GLI2: variants seen among roughly 807,000 people sequenced by gnomAD.
GLI2 encodes the protein transcription activator GLI2.
In GLI2, 22 loss-of-function variants were observed where a neutral mutation model predicts 78.9. The ratio of observed to expected loss-of-function variants is 0.28; its 90% CI spans 0.20 to 0.40. The LOEUF is 0.40. Ranked by LOEUF, GLI2 falls within the 10% of genes least tolerant of loss-of-function variation. GLI2 has a pLI of 1.00. For missense variants in GLI2, 2,097 were observed against 2,213.2 expected (o/e 0.95, Z 1.05); for synonymous variants, 974 against 963.7 (o/e 1.01, Z -0.20).
chr2:120,886,159 AGTGTGTGTGTGTGTGTGTGTGTGTGT>A (rs532891541), intron 2 of GLI2, among the ~76,000 whole-genome samples: 9 of 116,832 alleles, frequency 7.7e-5, no homozygotes, highest in Admixed American at 1.7e-4. Flanking sequence ...ATTTTTCCAA[AGTGTGTGTGTGTGTGTGTGTGTGTGT>A]GTGTGTGTGT....
rs1270623510 is a variant in GLI2, at chr2:120,800,247, C to G, written c.148+2779C>G. Among the ~76,000 whole-genome samples the G allele has an allele frequency of 2.0e-5, 3 of 152,152 alleles. No homozygotes were observed. The East Asian group carries it at 5.8e-4, about 30-fold the overall frequency. On this transcript the variant is annotated intron_variant, in intron 2 of 13. Transcript: ENST00000361492. The surrounding 1 kb of genome is among the most constrained non-coding windows in gnomAD (Gnocchi z 4.1). ...GGAGCTGAGAATTTTTGTTGAGGGG[C>G]CCCTCTTCTCGAGTTGTTTCTGGCA...
chr2:120,771,485 G>A (rs554362060), intron 1 of GLI2, among the ~76,000 whole-genome samples: 34 of 152,326 alleles, frequency 2.2e-4, no homozygotes, highest in African/African-American at 7.5e-4. Context: ...ATTCTAAGGG[G>A]TCGATCAAAG....
intron 2 of GLI2, among the ~76,000 whole-genome samples, chr2:120,816,149 A>G (rs1685482284): frequency 6.6e-6 from 1 of 151,188 alleles, no homozygotes; most frequent in Non-Finnish European, 1.5e-5. Context: ...CTTTTGGTCC[A>G]CAGATCCCTG....
intron 10 of GLI2, among the ~76,000 whole-genome samples, 165 bp downstream of exon 10, chr2:120,978,748 C>G (rs943435860): frequency 1.3e-5 from 2 of 152,188 alleles, no homozygotes; most frequent in Non-Finnish European, 2.9e-5. Flanking sequence ...TGTTTGGGTC[C>G]TGGAGGCCCC....
At chr2:120,770,490 C>T (rs1483858744) in intron 1 of GLI2, among the ~76,000 whole-genome samples, 3 of 152,210 alleles carry the variant, frequency 2.0e-5, no homozygotes, top group Non-Finnish European at 4.4e-5. Flanking sequence ...GACCCAGGAG[C>T]TGTTGCTGAT....
At chr2:120,972,148 G>C in intron 8 of GLI2, 85 bp downstream of exon 8, 1 of 1,490,922 alleles carries the variant, frequency 6.7e-7, no homozygotes, top group Non-Finnish European at 9.3e-7. Context: ...GGTGGTGAAC[G>C]GATGGCTGGC....
At chr2:120,977,869 T>A (rs1682531880) in intron 9 of GLI2, among the ~76,000 whole-genome samples, 1 of 152,234 alleles carries the variant, frequency 6.6e-6, no homozygotes, top group Non-Finnish European at 1.5e-5. Context: ...GACAAAGCCA[T>A]TATCTCATGG....
At chr2:120,877,529 C>T (rs1230527789) in intron 2 of GLI2, among the ~76,000 whole-genome samples, 1 of 152,146 alleles carries the variant, frequency 6.6e-6, no homozygotes, top group Non-Finnish European at 1.5e-5. Flanking sequence ...CAGTCACTAG[C>T]CACCACTCCC....
rs1395942984 is a variant in GLI2 at position 120,955,152 on chromosome 2, CCTTTTTTTTTTTTT to C, written c.458-92_458-79del. 6.5e-4 allele frequency: 197 copies of C among 304,944 alleles called. 2 individuals carry two copies. The highest frequency in any genetic ancestry group is 1.1e-3 in the East Asian group (12 of 10,438). The allele number at this position is 304,944 out of a possible 1,614,324, so 18.9% of individuals were successfully genotyped here. A position where few individuals can be genotyped will look rare whatever the true frequency, so the allele number is the denominator to read the frequency against. The stretch of plus-strand genomic sequence containing the variant: ...GACACCAGGTGTGCATTTCTCTCTG[CCTTTTTTTTTTTTT>C]TTTTTTTTTTTTTTTGGCAGGAGAA... On this transcript the variant is annotated intron_variant, in intron 4 of 13. Coordinates refer to ENST00000361492, the MANE Select transcript of GLI2 (RefSeq NM_001374353.1).
Position 120,988,678 on chromosome 2 carries a change from G to C in GLI2, c.2713G>C (p.Ala905Pro). The C allele has an allele frequency of 1.5e-6, 2 of 1,320,854 alleles. No individual in the cohort carries two copies. The highest frequency in any genetic ancestry group is 1.9e-6 in the Non-Finnish European group (2 of 1,032,552). The allele number at this position is 1,320,854 out of a possible 1,614,324, so 81.8% of individuals were successfully genotyped here. Residue 905 changes from alanine to proline, a missense_variant, in exon 14 of 14, where the codon GCG (alanine) becomes CCG (proline). Around this residue, in one of 5 missense-constraint regions of GLI2, gnomAD observed 1,290 missense variants for 1,261.7 expected, o/e 1.02. Coordinates refer to ENST00000361492, the MANE Select transcript of GLI2 (RefSeq NM_001374353.1). Reference sequence around the variant, plus strand: ...GCGGACCAGGCTGGCGCTGCTGGACGCGCCCGAGCGCACGCTGCCCGCCGG... The same window carrying C: ...GCGGACCAGGCTGGCGCTGCTGGACCCGCCCGAGCGCACGCTGCCCGCCGG... ...SLRTRLALLD[A>P]PERTLPAGCP...
Position 120,989,993 on chromosome 2 carries a change from G to A in GLI2, c.4028G>A (p.Gly1343Glu), listed in dbSNP as rs777551364. Residue 1343 changes from glycine to glutamate, a missense_variant, in exon 14 of 14, where the codon GGG becomes GAG. Coordinates refer to ENST00000361492, the MANE Select transcript of GLI2 (RefSeq NM_001374353.1). Reference sequence around the variant, plus strand: ...ATGGAGCCCCAAACAGGCCCGATGGGGGTGGCTACAGCAGGCTTTGGCCTA... The same window carrying A: ...ATGGAGCCCCAAACAGGCCCGATGGAGGTGGCTACAGCAGGCTTTGGCCTA... ...GFMEPQTGPM[G>E]VATAGFGLVQ... 6.2e-7 allele frequency: 1 copy of A among 1,610,100 alleles called. No homozygotes were observed. The highest frequency in any genetic ancestry group is 1.3e-5 in the African/African-American group (1 of 75,010).
At chr2:120,975,137 C>T in intron 9 of GLI2, 28 bp downstream of exon 9, 3 of 1,611,212 alleles carry the variant, frequency 1.9e-6, no homozygotes, top group Non-Finnish European at 2.5e-6. Flanking sequence ...AGCAGCCCGC[C>T]AACCGGGGCA....
chr2:120,894,290 A>C (rs1390201077), intron 2 of GLI2, among the ~76,000 whole-genome samples: 3 of 152,260 alleles, frequency 2.0e-5, no homozygotes, highest in Non-Finnish European at 4.4e-5. Flanking sequence ...TTTTTGTGAC[A>C]GATGTCCCTT....
At chr2:120,832,245 T>C (rs1429745180) in intron 2 of GLI2, among the ~76,000 whole-genome samples, 1 of 152,222 alleles carries the variant, frequency 6.6e-6, no homozygotes, top group African/African-American at 2.4e-5. Context: ...CTGGGGCTTA[T>C]ACCCAGGAGA....
chr2:120,874,967 G>A lies in GLI2; in HGVS notation c.149-52394G>A, dbSNP rs1474590071. ...TCAAGCAAACTAGGTTAGGGTCCTA[G>A]CTTCCCAGACACTTTCGGCCTGAAA... On this transcript the variant is annotated intron_variant, in intron 2 of 13. Transcript: ENST00000361492. Among the ~76,000 whole-genome samples, 4 of 152,176 alleles carry A rather than the reference G, an allele frequency of 2.6e-5. No homozygotes were observed. In the East Asian group the frequency reaches 7.7e-4, roughly 29 times the overall value.
chr2:120,871,541 G>A (rs2104677198), intron 2 of GLI2, among the ~76,000 whole-genome samples: 1 of 152,348 alleles, frequency 6.6e-6, no homozygotes, highest in Middle Eastern at 3.4e-3. Flanking sequence ...CACCGGAGCT[G>A]TCAGACCGTG....
intron 2 of GLI2, among the ~76,000 whole-genome samples, chr2:120,877,272 C>T (rs1364700553): frequency 6.6e-6 from 1 of 152,210 alleles, no homozygotes; most frequent in Non-Finnish European, 1.5e-5. Context: ...CCCTGGGTCA[C>T]TTATTTGTTT....
intron 2 of GLI2, among the ~76,000 whole-genome samples, chr2:120,869,059 T>C (rs1367413922): frequency 6.6e-6 from 1 of 152,226 alleles, no homozygotes; most frequent in Non-Finnish European, 1.5e-5. Flanking sequence ...CCAAGAGTTC[T>C]CTATTCTGTT....
At chr2:120,862,933 C>T (rs920119646) in intron 2 of GLI2, among the ~76,000 whole-genome samples, 4 of 152,180 alleles carry the variant, frequency 2.6e-5, no homozygotes, top group Non-Finnish European at 5.9e-5. Context: ...GCTCCCCAGT[C>T]GGAGGGAGCT....
Sources: gnomAD v4.1 joint callset for allele counts (sites outside exome capture counted in the v4.1 genomes callset) on GRCh38, gnomAD v4.1.1 for gene constraint, gnomAD v4.1.1 regional missense constraint, Gnocchi (gnomAD v3.1) non-coding constraint, MANE v1.5 for transcripts, NCBI Gene and HGNC (gene_info 2026-07-23, HGNC 2026-07-21) for gene names.